Variants in TTC6 observed in about 807,000 individuals in gnomAD.
TTC6 encodes the protein tetratricopeptide repeat protein 6.
TTC6 carries 172 observed loss-of-function variants against 210.4 expected under a neutral mutation model. The observed-to-expected ratio is 0.82, with a 90% CI of 0.72 to 0.93. TTC6 has a LOEUF of 0.93. TTC6 is among the 40% of genes least tolerant of loss of function. The pLI, the probability that TTC6 is intolerant of heterozygous loss-of-function variation, is 0.00. For missense variants in TTC6, 2,414 were observed against 2,318.1 expected (o/e 1.04, Z -0.85); for synonymous variants, 804 against 819.6 (o/e 0.98, Z 0.32).
At chr14:37,787,154 T>A (rs1205177075) in intron 14 of TTC6, among the ~76,000 whole-genome samples, 6 of 152,174 alleles carry the variant, frequency 3.9e-5, no homozygotes, top group African/African-American at 1.4e-4. Flanking sequence ...TTTTTGGGAA[T>A]CAATAAATAA....
chr14:37,622,371 C>G (rs971972764), exon 1 of TTC6: 1 of 1,531,372 alleles, frequency 6.5e-7, no homozygotes, highest in African/African-American at 1.4e-5. Flanking sequence ...TCCCTCGGGC[C>G]TGGGTGAGGC....
intron 14 of TTC6, among the ~76,000 whole-genome samples, chr14:37,777,266 C>T (rs2096040572): frequency 6.6e-6 from 1 of 152,078 alleles, no homozygotes; most frequent in Admixed American, 6.5e-5. Context: ...TGTACATAAT[C>T]CCATATTTCT....
chr14:37,630,270 G>A (rs1462875920), intron 1 of TTC6, among the ~76,000 whole-genome samples: 6 of 152,130 alleles, frequency 3.9e-5, no homozygotes, highest in African/African-American at 1.4e-4. Flanking sequence ...AGAGATCCTA[G>A]TATGTTGTGT....
chr14:37,705,373 T>C (rs944714559), intron 5 of TTC6, among the ~76,000 whole-genome samples: 2 of 152,240 alleles, frequency 1.3e-5, no homozygotes, highest in East Asian at 1.9e-4. Flanking sequence ...TTAACAAATA[T>C]GCAAAAACAT....
intron 1 of TTC6, among the ~76,000 whole-genome samples, chr14:37,667,182 T>C (rs1382417618): frequency 1.3e-5 from 2 of 150,214 alleles, no homozygotes; most frequent in African/African-American, 4.8e-5. Flanking sequence ...GTCTACTGGG[T>C]AAGTCAGCCC....
At chr14:37,766,644 C>T (rs144293270) in intron 14 of TTC6, among the ~76,000 whole-genome samples, 253 of 152,176 alleles carry the variant, frequency 1.7e-3, no homozygotes, top group African/African-American at 5.7e-3. Flanking sequence ...CATGTCTTTA[C>T]TATTGTGAAA....
At chr14:37,729,121 G>A (rs1195993572) in intron 7 of TTC6, among the ~76,000 whole-genome samples, 1 of 151,816 alleles carries the variant, frequency 6.6e-6, no homozygotes, top group Non-Finnish European at 1.5e-5. Context: ...TTTCTGTTTG[G>A]AATTCCTAGT....
intron 12 of TTC6, among the ~76,000 whole-genome samples, chr14:37,750,624 C>T (rs1422589962): frequency 5.9e-5 from 9 of 152,134 alleles, no homozygotes; most frequent in Non-Finnish European, 1.2e-4. Flanking sequence ...CAGTGGCTTA[C>T]GCCTGTAATC....
chr14:37,720,058 A>T (rs1463353572), intron 6 of TTC6, among the ~76,000 whole-genome samples: 1 of 152,200 alleles, frequency 6.6e-6, no homozygotes, highest in Admixed American at 6.5e-5. Flanking sequence ...ACCACATAGG[A>T]TATATAGATG....
At chr14:37,739,075 G>A (rs2138945808) in exon 10 of TTC6, 1 of 1,533,322 alleles carries the variant, frequency 6.5e-7, no homozygotes, top group Non-Finnish European at 8.7e-7. Context: ...AAAAGAAGAT[G>A]AGATGGAAGA....
chr14:37,817,677 T>A, intron 26 of TTC6, 26 bp downstream of exon 28: 1 of 1,608,776 alleles, frequency 6.2e-7, no homozygotes, highest in Non-Finnish European at 8.5e-7. Context: ...GATGTCAAAG[T>A]GGAATCAAGC....
chr14:37,646,106 A>G (rs1392481249), intron 1 of TTC6, among the ~76,000 whole-genome samples: 1 of 152,216 alleles, frequency 6.6e-6, no homozygotes, highest in Admixed American at 6.5e-5. Flanking sequence ...CTGGAAAATG[A>G]AATAACAGTG....
In TTC6 at chr14:37,684,779, C is replaced by G. The variant is rs2095790707; in HGVS notation, c.1257+1815C>G. ...TTGAGTCCATAAAGTTAGTTTCTAG[C>G]ATTTCTGCTCAAAATGTTAGCAGAA... On this transcript the variant is annotated intron_variant, in intron 3 of 30. Transcript: ENST00000553443. Among the ~76,000 whole-genome samples the G allele has an allele frequency of 2.0e-5, 3 of 152,274 alleles. No individual in the cohort carries two copies. In the South Asian group the frequency reaches 6.2e-4, roughly 32 times the overall value.
chr14:37,671,439 G>C (rs2095757986), intron 1 of TTC6, among the ~76,000 whole-genome samples: 1 of 152,128 alleles, frequency 6.6e-6, no homozygotes, highest in Non-Finnish European at 1.5e-5. Flanking sequence ...ATAGCTACTA[G>C]AGCCTTTTTG....
chr14:37,796,422 G>T, intron 19 of TTC6, 52 bp downstream of exon 21: 1 of 774,282 alleles, frequency 1.3e-6, no homozygotes, highest in Non-Finnish European at 2.0e-6. Flanking sequence ...AAATTTTTAT[G>T]CTATTTTGCA....
intron 14 of TTC6, among the ~76,000 whole-genome samples, chr14:37,775,661 C>G (rs899210903): frequency 3.3e-5 from 5 of 152,078 alleles, no homozygotes; most frequent in African/African-American, 4.8e-5. Flanking sequence ...AGGTTCAATT[C>G]CTGAATATCT....
chr14:37,819,668 C>G (rs1281108075), intron 26 of TTC6, among the ~76,000 whole-genome samples: 1 of 152,190 alleles, frequency 6.6e-6, no homozygotes, highest in African/African-American at 2.4e-5. Context: ...CTACTTTTTA[C>G]TTCAGCACAT....
At chr14:37,697,654 A>G (rs1373305871) in intron 4 of TTC6, among the ~76,000 whole-genome samples, 1 of 152,192 alleles carries the variant, frequency 6.6e-6, no homozygotes, top group Non-Finnish European at 1.5e-5. Context: ...ATGGGAAAAG[A>G]ATTCCAAAGT....
chr14:37,842,081 AT>A (rs987156564), intron 30 of TTC6, 73 bp from the exon 33 acceptor site: 410 of 1,285,696 alleles, frequency 3.2e-4, no homozygotes, highest in South Asian at 7.0e-4. Flanking sequence ...TTCTTATCCA[AT>A]TTTTTTTTGT....
Sources: gnomAD v4.1 joint callset for allele counts (sites outside exome capture counted in the v4.1 genomes callset) on GRCh38, gnomAD v4.1.1 for gene constraint, MANE v1.5 for transcripts, NCBI Gene and HGNC (gene_info 2026-07-23, HGNC 2026-07-21) for gene names.